The following KLHL2 variants were observed in gnomAD, a reference collection of about 807,000 sequenced individuals.
KLHL2 encodes the protein kelch-like protein 2.
KLHL2 carries 15 observed loss-of-function variants against 75.8 expected under a neutral mutation model. The ratio of observed to expected loss-of-function variants is 0.20; its 90% CI spans 0.13 to 0.30. The LOEUF (loss-of-function observed/expected upper bound fraction) is 0.30, where lower values mean the gene tolerates loss of function less well. KLHL2 is among the 10% of genes least tolerant of loss of function. The pLI, the probability that KLHL2 is intolerant of heterozygous loss-of-function variation, is 1.00. For missense variants in KLHL2, 381 were observed against 741.0 expected (o/e 0.51, Z 5.64); for synonymous variants, 214 against 251.9 (o/e 0.85, Z 1.42).
At chr4:165,251,640 C>G (rs1215710472) in intron 4 of KLHL2, among the ~76,000 whole-genome samples, 1 of 140,686 alleles carries the variant, frequency 7.1e-6, no homozygotes, top group Non-Finnish European at 1.5e-5. Flanking sequence ...GACGGAGTCT[C>G]GCTCTGTCGC....
At chr4:165,253,013 A>G (rs1046693295) in intron 4 of KLHL2, among the ~76,000 whole-genome samples, 4 of 152,192 alleles carry the variant, frequency 2.6e-5, no homozygotes, top group African/African-American at 7.2e-5. Flanking sequence ...TAACACATGC[A>G]CATCCTCCTG....
intron 5 of KLHL2, among the ~76,000 whole-genome samples, chr4:165,276,650 G>A (rs1743138248): frequency 6.6e-6 from 1 of 151,992 alleles, no homozygotes; most frequent in Non-Finnish European, 1.5e-5. Context: ...TCCTTGGAAG[G>A]CATTTATAAT....
chr4:165,244,528 G>A (rs1740087665), intron 4 of KLHL2, among the ~76,000 whole-genome samples: 2 of 152,130 alleles, frequency 1.3e-5, no homozygotes, highest in Non-Finnish European at 2.9e-5. Flanking sequence ...CCCATTAGGT[G>A]GAGATTTGTT....
intron 3 of KLHL2, among the ~76,000 whole-genome samples, chr4:165,231,486 A>C (rs1156421561): frequency 3.3e-5 from 5 of 152,218 alleles, no homozygotes; most frequent in African/African-American, 7.2e-5. Context: ...GATTTTTAGC[A>C]AATTTACTGA....
chr4:165,248,780 G>A (rs1381104877), intron 4 of KLHL2, among the ~76,000 whole-genome samples: 4 of 152,182 alleles, frequency 2.6e-5, no homozygotes, highest in African/African-American at 7.2e-5. Flanking sequence ...AGGTTGTGAG[G>A]TAAAAAGTCT....
Position 165,207,929 on chromosome 4 carries a change from C to T in KLHL2, c.26+27C>T. 1 of 1,394,186 alleles carries T rather than the reference C, an allele frequency of 7.2e-7. No individual in the cohort carries two copies. Among genetic ancestry groups the T allele is most frequent in the South Asian group, 1.5e-5 (1 of 68,868 alleles). 86.4% of individuals were successfully genotyped at this position (1,394,186 alleles called of 1,614,324 possible). A position where few individuals can be genotyped will look rare whatever the true frequency, so the allele number is the denominator to read the frequency against. The stretch of plus-strand genomic sequence containing the variant: ...TGAGTGAGCGGGCGGGCGGGCTGCG[C>T]CGCTGCGGATAAGCGCGCCGCTGCG... On this transcript the variant is annotated intron_variant, in intron 1 of 14. Transcript: ENST00000226725. The surrounding 1 kb of genome is among the most constrained non-coding windows in gnomAD (Gnocchi z 4.2).
intron 13 of KLHL2, among the ~76,000 whole-genome samples, chr4:165,316,192 A>T (rs1244948399): frequency 6.6e-6 from 1 of 152,016 alleles, no homozygotes; most frequent in Non-Finnish European, 1.5e-5. Flanking sequence ...GTATGGACCA[A>T]CCTCCCTTTC....
intron 5 of KLHL2, among the ~76,000 whole-genome samples, chr4:165,267,473 T>A (rs1742329047): frequency 6.6e-6 from 1 of 152,132 alleles, no homozygotes; most frequent in Non-Finnish European, 1.5e-5. Flanking sequence ...CTTAGTATTT[T>A]GAGATACGTT....
intron 1 of KLHL2, among the ~76,000 whole-genome samples, 159 bp downstream of exon 1, chr4:165,208,061 A>C (rs915187076): frequency 1.3e-5 from 2 of 151,748 alleles, no homozygotes; most frequent in African/African-American, 4.8e-5. Flanking sequence ...TCCTGAGCGG[A>C]CGCGGACGGA....
intron 3 of KLHL2, 32 bp from the exon 4 acceptor site, chr4:165,238,746 T>C: frequency 6.2e-7 from 1 of 1,612,194 alleles, no homozygotes. Flanking sequence ...AGTGTCTTGC[T>C]GTAACATCAC....
At chr4:165,211,132 A>C (rs1376548112) in intron 1 of KLHL2, among the ~76,000 whole-genome samples, 1 of 152,210 alleles carries the variant, frequency 6.6e-6, no homozygotes, top group Admixed American at 6.5e-5. Flanking sequence ...ATTAGAGCAG[A>C]GGTTCTCACA....
chr4:165,310,047 T>G (rs1746028872), intron 9 of KLHL2, among the ~76,000 whole-genome samples: 1 of 152,164 alleles, frequency 6.6e-6, no homozygotes, highest in Non-Finnish European at 1.5e-5. Flanking sequence ...TTAATAACCT[T>G]AGAAAGAAGG....
intron 1 of KLHL2, among the ~76,000 whole-genome samples, chr4:165,213,253 G>C (rs35247836): frequency 7.1e-6 from 1 of 139,940 alleles, no homozygotes; most frequent in Non-Finnish European, 1.6e-5. Context: ...ATTGAGCTCT[G>C]TGTATTCTCT....
At chr4:165,280,824 A>G (rs1743610271) in intron 5 of KLHL2, among the ~76,000 whole-genome samples, 1 of 152,222 alleles carries the variant, frequency 6.6e-6, no homozygotes, top group African/African-American at 2.4e-5. Context: ...AGGTTTCATT[A>G]AAACTGCCTT....
At chr4:165,244,284 G>A (rs1740053711) in intron 4 of KLHL2, among the ~76,000 whole-genome samples, 1 of 152,160 alleles carries the variant, frequency 6.6e-6, no homozygotes, top group South Asian at 2.1e-4. Flanking sequence ...CTTAAATTGT[G>A]TAATTTCAAT....
At chr4:165,304,254 C>G (rs560026044) in intron 8 of KLHL2, among the ~76,000 whole-genome samples, 2 of 152,258 alleles carry the variant, frequency 1.3e-5, no homozygotes, top group South Asian at 4.2e-4. Context: ...TTTTAAAATT[C>G]ATTCTGCTCT....
At chr4:165,285,206 G>GCTGTGT (rs1384184707) in intron 5 of KLHL2, among the ~76,000 whole-genome samples, 1 of 152,114 alleles carries the variant, frequency 6.6e-6, no homozygotes, top group Non-Finnish European at 1.5e-5. Context: ...TATTATAGAA[G>GCTGTGT]CTGTGTCAGG....
chr4:165,264,749 T>TACAC (rs1283428143), intron 5 of KLHL2, among the ~76,000 whole-genome samples: 16 of 73,718 alleles, frequency 2.2e-4, no homozygotes, highest in Non-Finnish European at 4.2e-4. Flanking sequence ...TGTATATATA[T>TACAC]ATATATATAT....
chr4:165,298,345 G>A (rs770764412), intron 7 of KLHL2, among the ~76,000 whole-genome samples: 8 of 151,976 alleles, frequency 5.3e-5, no homozygotes, highest in South Asian at 2.1e-4. Context: ...CCCAAATACC[G>A]TTTAATTTTA....
Sources: allele counts gnomAD v4.1 joint callset (sites outside exome capture counted in the v4.1 genomes callset), GRCh38; gene constraint gnomAD v4.1.1; non-coding constraint Gnocchi (gnomAD v3.1); transcripts MANE v1.5; gene names NCBI Gene and HGNC (gene_info 2026-07-23, HGNC 2026-07-21).